PI4K2B: variants seen among roughly 807,000 people sequenced by gnomAD.
The protein encoded by PI4K2B is phosphatidylinositol 4-kinase type 2 beta, also known as phosphatidylinositol 4-kinase type 2-beta.
Under a neutral mutation model 56.6 loss-of-function variants are expected in PI4K2B, and 46 were observed. The observed-to-expected ratio is 0.81, with a 90% confidence interval of 0.64 to 1.04. The LOEUF (loss-of-function observed/expected upper bound fraction) is 1.04, where lower values mean the gene tolerates loss of function less well. PI4K2B is among the 50% of genes least tolerant of loss of function. The pLI is 0.00. For missense variants in PI4K2B, 556 were observed against 607.7 expected (o/e 0.91, Z 0.89); for synonymous variants, 211 against 223.8 (o/e 0.94, Z 0.51).
At chr4:25,274,802 CT>C (rs1233696991) in intron 9 of PI4K2B, among the ~76,000 whole-genome samples, 5 of 149,004 alleles carry the variant, frequency 3.4e-5, no homozygotes, top group Admixed American at 6.7e-5. Context: ...TTTTCCTATA[CT>C]TTTTTTTTTG....
intron 1 of PI4K2B, among the ~76,000 whole-genome samples, chr4:25,246,464 G>A (rs561288963): frequency 5.3e-5 from 8 of 152,300 alleles, no homozygotes; most frequent in Non-Finnish European, 1.2e-4. Context: ...CAAACCTTGA[G>A]CTAGATACAG....
At chr4:25,237,191 T>G (rs1374150057) in intron 1 of PI4K2B, among the ~76,000 whole-genome samples, 1 of 152,248 alleles carries the variant, frequency 6.6e-6, no homozygotes, top group Non-Finnish European at 1.5e-5. Context: ...GTGGAAGGAT[T>G]AGTGCATTCC....
chr4:25,243,404 G>C (rs1335319474), intron 1 of PI4K2B, among the ~76,000 whole-genome samples: 31 of 152,202 alleles, frequency 2.0e-4, no homozygotes, highest in East Asian at 1.9e-4. Flanking sequence ...GCCCTACCGG[G>C]TGATTGGCCT....
chr4:25,268,399 A>T, intron 7 of PI4K2B, 44 bp from the exon 8 acceptor site: 1 of 1,534,952 alleles, frequency 6.5e-7, no homozygotes, highest in Non-Finnish European at 8.9e-7. Context: ...AGTCTAAATA[A>T]ACCATTTCCT....
At chr4:25,263,934 G>C (rs1464552899) in intron 7 of PI4K2B, 85 bp downstream of exon 7, 1 of 619,408 alleles carries the variant, frequency 1.6e-6, no homozygotes, top group Admixed American at 2.7e-5. Context: ...TACCATAGCG[G>C]AGGAAAAAGT....
intron 2 of PI4K2B, among the ~76,000 whole-genome samples, chr4:25,252,985 A>C (rs192146656): frequency 6.6e-6 from 1 of 152,272 alleles, no homozygotes; most frequent in East Asian, 1.9e-4. Flanking sequence ...ACAGTTTGCT[A>C]TTTTGTTATT....
intron 1 of PI4K2B, among the ~76,000 whole-genome samples, chr4:25,238,821 G>A (rs932563331): frequency 6.6e-6 from 1 of 152,192 alleles, no homozygotes; most frequent in Non-Finnish European, 1.5e-5. Context: ...AGCTTCCACA[G>A]TGTGGAAGGG....
chr4:25,244,989 C>G (rs1269963716), intron 1 of PI4K2B, among the ~76,000 whole-genome samples: 1 of 152,108 alleles, frequency 6.6e-6, no homozygotes, highest in Non-Finnish European at 1.5e-5. Context: ...AGAGCCATAC[C>G]CTGAGGGAGG....
intron 1 of PI4K2B, among the ~76,000 whole-genome samples, chr4:25,238,777 G>T (rs34350200): frequency 0.042 from 6,420 of 152,246 alleles, 189 homozygotes; most frequent in East Asian, 0.15. Flanking sequence ...AGAGTGAGCA[G>T]CAGCAAGATT....
intron 1 of PI4K2B, among the ~76,000 whole-genome samples, chr4:25,249,789 A>G (rs997873672): frequency 3.9e-5 from 6 of 151,906 alleles, no homozygotes; most frequent in African/African-American, 1.5e-4. Flanking sequence ...GCGGCCAGGC[A>G]GAGACGCTCC....
chr4:25,241,721 C>G (rs184042440), intron 1 of PI4K2B, among the ~76,000 whole-genome samples: 4 of 152,176 alleles, frequency 2.6e-5, no homozygotes, highest in Admixed American at 6.5e-5. Flanking sequence ...TGAGGCCAGC[C>G]TTTTGCTACT....
intron 4 of PI4K2B, among the ~76,000 whole-genome samples, chr4:25,258,258 A>G (rs1424840957): frequency 7.7e-6 from 1 of 130,706 alleles, no homozygotes; most frequent in Non-Finnish European, 1.6e-5. Context: ...CCTAGGTTGG[A>G]GTGCAGTGGT....
At chr4:25,272,701 C>G (rs1309054316) in intron 9 of PI4K2B, among the ~76,000 whole-genome samples, 4 of 151,888 alleles carry the variant, frequency 2.6e-5, no homozygotes, top group African/African-American at 9.7e-5. Context: ...AAAAAAAGAT[C>G]TAAAAAATCA....
Position 25,259,141 on chromosome 4 carries a change from G to T in PI4K2B, c.861G>T (p.Gln287His), listed in dbSNP as rs143048917. Residue 287 changes from glutamine to histidine, a missense_variant, in exon 5 of 10, where the codon CAG (glutamine) becomes CAT (histidine). Transcript: ENST00000264864. ...CTGAGAATATTAGAAAACAATTTCA[G>T]TCACAATTTGAAAGATTAGTTATTT... ...PLPENIRKQF[Q>H]SQFERLVILD... is the part of the protein sequence containing the mutation. 1,173 of 1,582,786 alleles carry T rather than the reference G, an allele frequency of 7.4e-4. 1 individual carries two copies. The highest frequency in any genetic ancestry group is 9.7e-4 in the Non-Finnish European group (1,118 of 1,153,316).
intron 2 of PI4K2B, among the ~76,000 whole-genome samples, chr4:25,252,858 T>C (rs1716117191): frequency 6.6e-6 from 1 of 152,178 alleles, no homozygotes; most frequent in Non-Finnish European, 1.5e-5. Flanking sequence ...CAAGCAAACC[T>C]CGGCTTTGGC....
chr4:25,234,205 C>G lies in PI4K2B; in HGVS notation c.42C>G (p.Asp14Glu), dbSNP rs751882191. The stretch of plus-strand genomic sequence containing the variant: ...AGCCCGACCGGTTGGCGTCCGCGGA[C>G]GGCGGGAGCCCGGAGGAGGAGGAGG... ...PSEPDRLASADGGSPEEEEDG... is the reference protein window; with the variant it reads ...PSEPDRLASAEGGSPEEEEDG... The change falls in exon 1 of 10, where the codon GAC becomes GAG. Residue 14 changes from aspartate to glutamate, a missense_variant. Physicochemically the swap from Asp to Glu is conservative, Grantham distance 45. Coordinates refer to ENST00000264864, the MANE Select transcript of PI4K2B (RefSeq NM_018323.4). 7.1e-7 allele frequency: 1 copy of G among 1,406,038 alleles called. No individual in the cohort carries two copies. The highest frequency in any genetic ancestry group is 9.3e-7 in the Non-Finnish European group (1 of 1,079,430). The allele number at this position is 1,406,038 out of a possible 1,614,324, so 87.1% of individuals were successfully genotyped here. A position where few individuals can be genotyped will look rare whatever the true frequency, so the allele number is the denominator to read the frequency against.
chr4:25,268,427 T>C lies in PI4K2B; in HGVS notation c.1079-16T>C. The C allele has an allele frequency of 3.8e-6, 6 of 1,595,246 alleles. No homozygotes were observed. The highest frequency in any genetic ancestry group is 1.1e-5 in the South Asian group (1 of 87,290). On this transcript the variant is annotated splice_polypyrimidine_tract_variant and intron_variant, in intron 7 of 9. Coordinates refer to ENST00000264864, the MANE Select transcript of PI4K2B (RefSeq NM_018323.4). ...CATTTCCTACCACTGATTAGGAGAA[T>C]GCTTTTTTCTATTAGATCCATTTCA...
intron 9 of PI4K2B, among the ~76,000 whole-genome samples, chr4:25,272,956 T>C (rs887946585): frequency 2.6e-5 from 4 of 152,236 alleles, no homozygotes; most frequent in Non-Finnish European, 5.9e-5. Context: ...TTTCTGTCAG[T>C]TATAAATATC....
At chr4:25,261,452 T>C (rs1716475754) in intron 6 of PI4K2B, among the ~76,000 whole-genome samples, 2 of 152,180 alleles carry the variant, frequency 1.3e-5, no homozygotes, top group Admixed American at 1.3e-4. Flanking sequence ...ATAAGATTTT[T>C]TTTATAAAAT....
Sources: gnomAD v4.1 joint callset for allele counts (sites outside exome capture counted in the v4.1 genomes callset) on GRCh38, gnomAD v4.1.1 for gene constraint, MANE v1.5 for transcripts, NCBI Gene and HGNC (gene_info 2026-07-23, HGNC 2026-07-21) for gene names.